Variants in KIF5B observed in about 807,000 individuals in gnomAD.
KIF5B encodes kinesin-1 heavy chain.
Under a neutral mutation model 132.8 loss-of-function variants are expected in KIF5B, and 49 were observed. That is an observed-to-expected ratio of 0.37 (90% CI 0.29 to 0.47). KIF5B has a LOEUF of 0.47. KIF5B is among the 20% of genes least tolerant of loss of function. KIF5B has a pLI of 1.00. For synonymous variants in KIF5B, 355 were observed against 369.4 expected, an observed-to-expected ratio of 0.96 and a Z score of 0.45; for missense variants, 780 against 1,144.0, an observed-to-expected ratio of 0.68 and a Z score of 4.59.
chr10:32,045,416 A>G (rs1402694635), intron 2 of KIF5B, among the ~76,000 whole-genome samples: 1 of 152,246 alleles, frequency 6.6e-6, no homozygotes, highest in Non-Finnish European at 1.5e-5. Flanking sequence ...TTCCACAAAT[A>G]TGATCCTCAA....
chr10:32,055,736 G>A (rs1407244227), intron 1 of KIF5B, 112 bp downstream of exon 1: 13 of 1,391,464 alleles, frequency 9.3e-6, no homozygotes, highest in African/African-American at 1.4e-5. Context: ...CGCCGGGGAG[G>A]GCTGGGGACA....
At chr10:32,049,198 A>T (rs1841655000) in intron 1 of KIF5B, among the ~76,000 whole-genome samples, 1 of 152,236 alleles carries the variant, frequency 6.6e-6, no homozygotes, top group South Asian at 2.1e-4. Context: ...TGCTAGAATG[A>T]TAACCAAGAG....
intron 14 of KIF5B, 97 bp from the exon 15 acceptor site, chr10:32,028,668 C>G: frequency 1.0e-6 from 1 of 997,694 alleles, no homozygotes; most frequent in Non-Finnish European, 1.5e-6. Context: ...CAAGCCCTTA[C>G]GAAACCATGT....
At position 32,028,538 on chromosome 10, in the gene KIF5B, T is replaced by G. The variant is rs1357273242; in HGVS notation, c.1615A>C (p.Lys539Gln). The G allele has an allele frequency of 1.9e-6, 3 of 1,613,912 alleles. No homozygotes were observed. In the African/African-American group the frequency reaches 4.0e-5, roughly 22 times the overall value. Reference protein sequence around the residue: ...TLASIDAELQKLKEMTNHQKK... With the variant: ...TLASIDAELQQLKEMTNHQKK... The stretch of plus-strand genomic sequence containing the variant: ...TGGTGGTTGGTCATTTCCTTAAGTT[T>G]CTGAAGCTCAGCATCTATACTCGCT... The change falls in exon 15 of 26, where the codon AAA (lysine) becomes CAA (glutamine). Residue 539 changes from lysine to glutamine, a missense_variant. Lys to Gln is a moderately conservative substitution (Grantham distance 53). This residue lies in a region of KIF5B where 471 missense variants were observed against 569.9 expected (regional missense o/e 0.83). Transcript: ENST00000302418.
At chr10:32,018,257 TA>T in intron 22 of KIF5B, 58 bp downstream of exon 22, 1 of 1,452,184 alleles carries the variant, frequency 6.9e-7, no homozygotes, top group Non-Finnish European at 9.3e-7. Flanking sequence ...TGAATACAAA[TA>T]ATTACCTAGA....
At position 32,023,101 on chromosome 10, in the gene KIF5B, G is replaced by A. The variant is rs538889303; in HGVS notation, c.1726-65C>T. The stretch of plus-strand genomic sequence containing the variant: ...TGTTCAATGTGTGTTTTCCCAATTA[G>A]GCTATAAAATCTTTTTATAAAATAT... On this transcript the variant is annotated intron_variant, in intron 15 of 25. Transcript: ENST00000302418. 7.3e-6 allele frequency: 6 copies of A among 821,624 alleles called. No homozygotes were observed. The East Asian group carries it at 1.7e-4, about 23-fold the overall frequency. 50.9% of individuals were successfully genotyped at this position (821,624 alleles called of 1,614,324 possible).
intron 15 of KIF5B, among the ~76,000 whole-genome samples, chr10:32,027,703 C>A (rs1234733931): frequency 6.6e-6 from 1 of 151,382 alleles, no homozygotes; most frequent in Non-Finnish European, 1.5e-5. Context: ...TCTTTAACCT[C>A]CTGCCTCAGT....
chr10:32,017,873 G>A lies in KIF5B; in HGVS notation c.2544+179C>T, dbSNP rs543534621. 2.0e-3 allele frequency among the ~76,000 whole-genome samples: 311 copies of A among 152,144 alleles called. 1 individual carries two copies. The highest frequency in any genetic ancestry group is 6.0e-3 in the South Asian group (29 of 4,820). The stretch of plus-strand genomic sequence containing the variant: ...TTTCACTGCCTCTTTTGATAATAAC[G>A]TTGTTAAAAATATTAACTCCTCTAA... On this transcript the variant is annotated intron_variant, in intron 23 of 25. Transcript: ENST00000302418.
intron 4 of KIF5B, 112 bp from the exon 5 acceptor site, chr10:32,038,938 C>G: frequency 1.5e-6 from 1 of 676,740 alleles, no homozygotes; most frequent in Middle Eastern, 2.4e-4. Context: ...TATCAACATA[C>G]CAGCCATAGC....
chr10:32,019,427 G>A (rs1384729307), intron 20 of KIF5B, among the ~76,000 whole-genome samples: 3 of 152,134 alleles, frequency 2.0e-5, no homozygotes, highest in Non-Finnish European at 2.9e-5. Flanking sequence ...ATGAGAAAAG[G>A]TAAACCATGA....
chr10:32,010,432 T>C lies in KIF5B; in HGVS notation c.*1105A>G, dbSNP rs1466531222. On this transcript the variant is annotated 3_prime_UTR_variant, in exon 26 of 26. Coordinates refer to ENST00000302418, the MANE Select transcript of KIF5B (RefSeq NM_004521.3). ...CTATTTCTAGACTAAAGAAATAAAT[T>C]AGTGTACAAATTAGTGTAGCAGGTT... 1 of 152,190 alleles carries C rather than the reference T, an allele frequency of 6.6e-6. No individual in the cohort carries two copies. The highest frequency in any genetic ancestry group is 1.5e-5 in the Non-Finnish European group (1 of 68,014). 9.4% of individuals were successfully genotyped at this position (152,190 alleles called of 1,614,324 possible). A position where few individuals can be genotyped will look rare whatever the true frequency, so the allele number is the denominator to read the frequency against.
At chr10:32,048,060 A>C (rs1178442988) in intron 2 of KIF5B, among the ~76,000 whole-genome samples, 1 of 152,222 alleles carries the variant, frequency 6.6e-6, no homozygotes, top group African/African-American at 2.4e-5. Context: ...TCTTTGGGGA[A>C]GGAATAACAA....
chr10:32,039,288 G>A, intron 4 of KIF5B, 39 bp downstream of exon 4: 3 of 737,596 alleles, frequency 4.1e-6, no homozygotes, highest in Non-Finnish European at 6.8e-6. Context: ...CATTATTCTT[G>A]CTGTAAAATA....
chr10:32,015,527 G>C lies in KIF5B; in HGVS notation c.*2C>G, dbSNP rs749267836. On this transcript the variant is annotated 3_prime_UTR_variant, in exon 25 of 26. Transcript: ENST00000302418. ...AACAAACCTGTGGGTATGTATAAAC[G>C]ATTACACTTGTTTGCCTCCTCCACC... 3.1e-6 allele frequency: 5 copies of C among 1,607,046 alleles called. No homozygotes were observed. Among genetic ancestry groups the C allele is most frequent in the Admixed American group, 1.7e-5 (1 of 58,570 alleles).
chr10:32,019,046 A>AT (rs1423584454), intron 20 of KIF5B, among the ~76,000 whole-genome samples: 1 of 152,188 alleles, frequency 6.6e-6, no homozygotes, highest in African/African-American at 2.4e-5. Context: ...ATTGTTATAC[A>AT]TTCCATATAT....
chr10:32,024,148 T>C (rs1241510343), intron 15 of KIF5B, among the ~76,000 whole-genome samples: 4 of 74,104 alleles, frequency 5.4e-5, no homozygotes, highest in Non-Finnish European at 1.3e-4. Context: ...GAAGAACTCT[T>C]TTTTTTTTTT....
intron 24 of KIF5B, among the ~76,000 whole-genome samples, 157 bp from the exon 25 acceptor site, chr10:32,015,816 T>C (rs545207106): frequency 5.9e-5 from 9 of 152,300 alleles, no homozygotes; most frequent in Admixed American, 2.0e-4. Context: ...GTAACATCCT[T>C]TTCTCTAGGA....
intron 23 of KIF5B, 44 bp downstream of exon 23, chr10:32,018,008 A>T (rs1322444196): frequency 8.9e-7 from 1 of 1,118,664 alleles, no homozygotes; most frequent in Admixed American, 2.2e-5. Context: ...TCAATTTTTG[A>T]TTTTTACTAT....
chr10:32,019,974 A>C lies in KIF5B; in HGVS notation c.2205-15T>G. 6.6e-7 allele frequency: 1 copy of C among 1,526,472 alleles called. No individual in the cohort carries two copies. The highest frequency in any genetic ancestry group is 1.9e-5 in the Admixed American group (1 of 53,570). The allele number at this position is 1,526,472 out of a possible 1,614,324, so 94.6% of individuals were successfully genotyped here. A position where few individuals can be genotyped will look rare whatever the true frequency, so the allele number is the denominator to read the frequency against. ...TCTGGTTTTGGCTGACGAAAGAAAA[A>C]AATAATTAACACAGTATCAATATCA... On this transcript the variant is annotated splice_polypyrimidine_tract_variant and intron_variant, in intron 19 of 25. Coordinates refer to ENST00000302418, the MANE Select transcript of KIF5B (RefSeq NM_004521.3).
Sources: gnomAD v4.1 joint callset for allele counts (sites outside exome capture counted in the v4.1 genomes callset) on GRCh38, gnomAD v4.1.1 for gene constraint, gnomAD v4.1.1 regional missense constraint, MANE v1.5 for transcripts, NCBI Gene and HGNC (gene_info 2026-07-23, HGNC 2026-07-21) for gene names.